Variants in TEKT3 observed in about 807,000 individuals in gnomAD.
TEKT3 encodes the protein tektin-3.
In TEKT3, 49 loss-of-function variants were observed where a neutral mutation model predicts 49.8. That is an observed-to-expected ratio of 0.98 (90% confidence interval 0.78 to 1.25). TEKT3 has a LOEUF of 1.25. Among genes scored for constraint, TEKT3 ranks in the 50% most tolerant of loss-of-function variants. The pLI, the probability that TEKT3 is intolerant of heterozygous loss-of-function variation, is 0.00. For synonymous variants in TEKT3, 225 were observed against 237.2 expected (o/e 0.95, Z 0.47); for missense variants, 595 against 629.5 (o/e 0.95, Z 0.59).
chr17:15,324,684 T>A (rs572487764), intron 4 of TEKT3, among the ~76,000 whole-genome samples: 3 of 152,196 alleles, frequency 2.0e-5, no homozygotes, highest in Non-Finnish European at 4.4e-5. Flanking sequence ...ATTGGGTTGA[T>A]TTTTTTTAAT....
intron 2 of TEKT3, among the ~76,000 whole-genome samples, chr17:15,333,021 CTT>C (rs77102758): frequency 3.5e-4 from 50 of 143,626 alleles, no homozygotes; most frequent in Non-Finnish European, 4.0e-4. Context: ...CATTGTAGAT[CTT>C]TTTTTTTTTT....
intron 2 of TEKT3, among the ~76,000 whole-genome samples, chr17:15,335,483 G>A (rs1203777519): frequency 2.0e-5 from 3 of 152,188 alleles, no homozygotes; most frequent in Admixed American, 6.5e-5. Context: ...GAGGCCACAC[G>A]TTAGAGGTAG....
rs558023303 is a variant in TEKT3 at position 15,338,661 on chromosome 17, C to T, written c.-30+1367G>A. The T allele has an allele frequency of 1.9e-5, 3 of 157,486 alleles. No individual in the cohort carries two copies. The East Asian group carries it at 5.6e-4, about 29-fold the overall frequency. The allele number at this position is 157,486 out of a possible 1,614,324, so 9.8% of individuals were successfully genotyped here. A position where few individuals can be genotyped will look rare whatever the true frequency, so the allele number is the denominator to read the frequency against. On this transcript the variant is annotated intron_variant, in intron 2 of 8. Transcript: ENST00000395930. ...CTGGGACTACAGCCGCCTGCCACCA[C>T]ACCTGGCTAATTTTTTTTTTTTTTT...
chr17:15,316,676 G>A (rs768958569), intron 5 of TEKT3, among the ~76,000 whole-genome samples: 5 of 152,266 alleles, frequency 3.3e-5, no homozygotes, highest in Non-Finnish European at 5.9e-5. Flanking sequence ...AGACAGCCCT[G>A]GTTCAAATGT....
At chr17:15,338,740 T>G (rs1462145754) in intron 2 of TEKT3, among the ~76,000 whole-genome samples, 1 of 147,232 alleles carries the variant, frequency 6.8e-6, no homozygotes, top group Non-Finnish European at 1.5e-5. Context: ...ATGGTCTCGA[T>G]CTCCTGAACT....
chr17:15,310,284 G>A (rs1018791669), intron 7 of TEKT3, among the ~76,000 whole-genome samples: 12 of 152,118 alleles, frequency 7.9e-5, no homozygotes, highest in Non-Finnish European at 1.2e-4. Flanking sequence ...GTACATCCCC[G>A]AGTGCCTAGC....
intron 4 of TEKT3, among the ~76,000 whole-genome samples, chr17:15,325,527 C>T (rs1462776071): frequency 1.3e-5 from 2 of 152,144 alleles, no homozygotes. Flanking sequence ...GCCTAGTCCC[C>T]ACTGCAGATT....
chr17:15,304,066 A>T lies in TEKT3; in HGVS notation c.1343T>A (p.Leu448Gln), dbSNP rs1390041411. ...LRDAEDTLQS[L>Q]VHIKATLEYD... ...CTCGAGTGTGGCTTTGATGTGGACCAGCGACTGCAGGGTGTCCTCTGCATC... is the reference window on the plus strand; with the variant it reads ...CTCGAGTGTGGCTTTGATGTGGACCTGCGACTGCAGGGTGTCCTCTGCATC... The change falls in exon 9 of 9, where the codon CTG becomes CAG. Residue 448 changes from leucine (L) to glutamine (Q), a missense_variant. Transcript: ENST00000395930. This position sits in a 1 kb window ranked among gnomAD's most constrained non-coding sequence, Gnocchi z 4.7. 1 of 1,614,182 alleles carries T rather than the reference A, an allele frequency of 6.2e-7. No homozygotes were observed. The highest frequency in any genetic ancestry group is 1.7e-5 in the Admixed American group (1 of 60,032).
chr17:15,341,809 G>A (rs1322258726), upstream of TEKT3, among the ~76,000 whole-genome samples: 1 of 152,290 alleles, frequency 6.6e-6, no homozygotes, highest in African/African-American at 2.4e-5. Flanking sequence ...CCCGCCCTCC[G>A]GGAGACCTCC....
chr17:15,327,178 C>T (rs1440138760), intron 4 of TEKT3, among the ~76,000 whole-genome samples: 1 of 150,958 alleles, frequency 6.6e-6, no homozygotes, highest in African/African-American at 2.4e-5. Flanking sequence ...AAAGATAGCA[C>T]CTTTACATTG....
rs536457544 is a variant in TEKT3 at position 15,332,157 on chromosome 17, C to T, written c.-29-543G>A. Among the ~76,000 whole-genome samples the T allele has an allele frequency of 1.7e-3, 261 of 152,168 alleles. 1 individual carries two copies. Among genetic ancestry groups the T allele is most frequent in the African/African-American group, 6.1e-3 (252 of 41,526 alleles). ...GCAATGAGCTGAGATCGCACCACTG[C>T]ACTCCAGCCTGGGCTACAGAGAGAC... On this transcript the variant is annotated intron_variant, in intron 2 of 8. Coordinates refer to ENST00000395930, the MANE Select transcript of TEKT3 (RefSeq NM_031898.3).
intron 5 of TEKT3, among the ~76,000 whole-genome samples, 163 bp downstream of exon 5, chr17:15,318,914 A>C (rs1399534097): frequency 6.6e-6 from 1 of 152,242 alleles, no homozygotes; most frequent in African/African-American, 2.4e-5. Flanking sequence ...GAATCACATC[A>C]GAGTAGCTGG....
At chr17:15,312,172 C>G (rs1910796068) in intron 7 of TEKT3, 87 bp downstream of exon 7, 2 of 1,307,144 alleles carry the variant, frequency 1.5e-6, no homozygotes, top group African/African-American at 2.9e-5. Flanking sequence ...CCTATGGTGC[C>G]TCTCTGGGAG....
At chr17:15,323,549 T>C (rs1214251024) in intron 4 of TEKT3, among the ~76,000 whole-genome samples, 2 of 152,234 alleles carry the variant, frequency 1.3e-5, no homozygotes, top group Non-Finnish European at 2.9e-5. Flanking sequence ...CTGAACGTAA[T>C]AGTCAACAGA....
rs1047882 is a variant in TEKT3 at position 15,303,948 on chromosome 17, G to C, written c.1461C>G (p.Val487=). 1 of 1,613,880 alleles carries C rather than the reference G, an allele frequency of 6.2e-7. No homozygotes were observed. Among genetic ancestry groups the C allele is most frequent in the Non-Finnish European group, 8.5e-7 (1 of 1,180,016 alleles). The change falls in exon 9 of 9, where the codon GTC becomes GTG. Residue 487 remains valine (V), a synonymous_variant. Transcript: ENST00000395930. ...CCCGGTGGGGTCCCTAGCAGAAGCC[G>C]ACCAGCCGGAGGGTGTTGGGGTAGC... ...RKSYPNTLRL[V]GFC is the part of the protein sequence containing the mutation.
chr17:15,324,638 G>C (rs1209254291), intron 4 of TEKT3, among the ~76,000 whole-genome samples: 1 of 152,070 alleles, frequency 6.6e-6, no homozygotes, highest in East Asian at 1.9e-4. Context: ...TGGGTATGAA[G>C]TCATATTTCA....
chr17:15,311,309 C>T (rs1219061702), intron 7 of TEKT3: 1 of 152,158 alleles, frequency 6.6e-6, no homozygotes, highest in Non-Finnish European at 1.5e-5. Context: ...GGCAACATGG[C>T]TCATGGTGCA....
At chr17:15,326,140 G>A (rs1015098330) in intron 4 of TEKT3, among the ~76,000 whole-genome samples, 1 of 152,170 alleles carries the variant, frequency 6.6e-6, no homozygotes, top group Non-Finnish European at 1.5e-5. Flanking sequence ...CTAAGAAAAT[G>A]TAAGTGATGT....
rs764754303 is a variant in TEKT3 at position 15,312,312 on chromosome 17, G to A, written c.1048C>T (p.Arg350Cys). 1.4e-5 allele frequency: 22 copies of A among 1,614,090 alleles called. No homozygotes were observed. The highest frequency in any genetic ancestry group is 1.2e-4 in the African/African-American group (9 of 74,916). ...TTAGCATCTGCAGTCTCAGCAATGC[G>A]ATTGGTGAAAGACAAGTTCACTTTG... ...FNKVNLSFTN[R>C]IAETADAKNK... The change falls in exon 7 of 9, where the codon CGC (arginine) becomes TGC (cysteine). Residue 350 changes from arginine to cysteine, a missense_variant. Transcript: ENST00000395930.
Sources: allele counts gnomAD v4.1 joint callset (sites outside exome capture counted in the v4.1 genomes callset), GRCh38; gene constraint gnomAD v4.1.1; non-coding constraint Gnocchi (gnomAD v3.1); transcripts MANE v1.5; gene names NCBI Gene and HGNC (gene_info 2026-07-23, HGNC 2026-07-21).